PHC2: variants seen among roughly 807,000 people sequenced by gnomAD.
The protein encoded by PHC2 is polyhomeotic-like protein 2.
Under a neutral mutation model 87.4 loss-of-function variants are expected in PHC2, and 29 were observed. The observed-to-expected ratio is 0.33, with a 90% CI of 0.25 to 0.45. The LOEUF is 0.45. Ranked by LOEUF, PHC2 falls within the 20% of genes least tolerant of loss-of-function variation. The pLI is 1.00. For synonymous variants in PHC2, 438 were observed against 461.7 expected (o/e 0.95, Z 0.66); for missense variants, 857 against 1,136.7 (o/e 0.75, Z 3.54).
intron 14 of PHC2, among the ~76,000 whole-genome samples, chr1:33,327,871 T>C (rs185977570): frequency 9.2e-5 from 14 of 152,334 alleles, no homozygotes; most frequent in African/African-American, 3.4e-4. Flanking sequence ...TAAATCTTAA[T>C]TGTAACCTCA....
rs565536221 is a variant in PHC2 at position 33,334,941 on chromosome 1, C to T, written c.1559-649G>A. ...AAATTCCATTTCTCTGCTAAGAAGG[C>T]TGCTAGGCAGAGGCTGAGATTTTCT... On this transcript the variant is annotated intron_variant, in intron 9 of 14. Transcript: ENST00000683057. The surrounding 1 kb of genome is among the most constrained non-coding windows in gnomAD (Gnocchi z 5.5). Among the ~76,000 whole-genome samples the T allele has an allele frequency of 1.3e-5, 2 of 152,328 alleles. No individual in the cohort carries two copies. Among genetic ancestry groups the T allele is most frequent in the East Asian group, 3.9e-4 (2 of 5,192 alleles).
At chr1:33,379,263 C>G (rs1648337482) in intron 1 of PHC2, among the ~76,000 whole-genome samples, 1 of 148,584 alleles carries the variant, frequency 6.7e-6, no homozygotes, top group African/African-American at 2.5e-5. Context: ...TCTTCTCTCT[C>G]CAGTTCTAGG....
At chr1:33,420,467 C>G (rs185216035) in intron 1 of PHC2, among the ~76,000 whole-genome samples, 331 of 152,236 alleles carry the variant, frequency 2.2e-3, no homozygotes, top group Non-Finnish European at 3.5e-3. Flanking sequence ...AAAATCAGCT[C>G]ACTCTTAATG....
intron 1 of PHC2, 148 bp from the exon 2 acceptor site, chr1:33,375,741 T>G: frequency 2.0e-6 from 1 of 508,970 alleles, no homozygotes; most frequent in Non-Finnish European, 3.4e-6. Flanking sequence ...GTGTCTGTAC[T>G]GAACACGTAA....
At chr1:33,343,412 G>T (rs1380124079) in intron 9 of PHC2, among the ~76,000 whole-genome samples, 1 of 143,112 alleles carries the variant, frequency 7.0e-6, no homozygotes, top group Non-Finnish European at 1.5e-5. Context: ...AGAGGTTGCA[G>T]TGAGCCGAGA....
chr1:33,358,212 C>G (rs901094285), intron 7 of PHC2, among the ~76,000 whole-genome samples: 1 of 152,138 alleles, frequency 6.6e-6, no homozygotes, highest in Non-Finnish European at 1.5e-5. Context: ...TAGGTAGGGA[C>G]AACACACATT....
rs1300821007 is a variant in PHC2 at position 33,414,124 on chromosome 1, CTAAA to C, written c.-55+16848_-55+16851del. Among the ~76,000 whole-genome samples, 10 of 150,510 alleles carry C rather than the reference CTAAA, an allele frequency of 6.6e-5. No individual in the cohort carries two copies. The East Asian group carries it at 1.8e-3, about 27-fold the overall frequency. ...TAAAATGCCTGGCATATATAAGATA[CTAAA>C]TAAATAAGTGCCCATGCATCATGTT... On this transcript the variant is annotated intron_variant, in intron 1 of 14. Coordinates refer to ENST00000683057, the MANE Select transcript of PHC2 (RefSeq NM_001385109.1).
chr1:33,417,889 C>T (rs1026315148), intron 1 of PHC2, among the ~76,000 whole-genome samples: 1 of 152,052 alleles, frequency 6.6e-6, no homozygotes. Flanking sequence ...ATTCTCTAAG[C>T]ATAACAGAAT....
At chr1:33,389,072 A>AAAAG (rs1557842848) in intron 1 of PHC2, among the ~76,000 whole-genome samples, 52 of 145,206 alleles carry the variant, frequency 3.6e-4, no homozygotes, top group Admixed American at 3.4e-4. Flanking sequence ...AAAAAAAAAA[A>AAAAG]AAAGAAAGAA....
At chr1:33,350,821 TC>T (rs1196596198) in intron 9 of PHC2, among the ~76,000 whole-genome samples, 20 of 152,230 alleles carry the variant, frequency 1.3e-4, no homozygotes, top group Non-Finnish European at 1.3e-4. Context: ...TTTCAAATTT[TC>T]AACCCCCCTT....
In PHC2 at chr1:33,354,973, G is replaced by A. The variant is rs1382409174; in HGVS notation, c.1257C>T (p.Gly419=). The change falls in exon 8 of 15, where the codon GGC becomes GGT. Residue 419 remains glycine, a synonymous_variant. Coordinates refer to ENST00000683057, the MANE Select transcript of PHC2 (RefSeq NM_001385109.1). ...GTGTGGGAGGGTGACACTGCTGACT[G>A]CCGCCAGGCTTGTGCAGGTTGGCAG... ...CPTANLHKPG[G]SQQCHPPTPD... The A allele has an allele frequency of 6.2e-7, 1 of 1,614,090 alleles. No homozygotes were observed. Among genetic ancestry groups the A allele is most frequent in the Non-Finnish European group, 8.5e-7 (1 of 1,180,054 alleles).
At chr1:33,387,108 T>C (rs930902538) in intron 1 of PHC2, among the ~76,000 whole-genome samples, 1 of 152,244 alleles carries the variant, frequency 6.6e-6, no homozygotes, top group African/African-American at 2.4e-5. Flanking sequence ...AATTTTTTAC[T>C]GGCCTTCTTT....
At position 33,375,355 on chromosome 1, in the gene PHC2, TAG is replaced by T; in HGVS notation, c.174+9_174+10del. The T allele has an allele frequency of 6.5e-7, 1 of 1,535,380 alleles. No individual in the cohort carries two copies. Among genetic ancestry groups the T allele is most frequent in the Non-Finnish European group, 8.8e-7 (1 of 1,137,410 alleles). ...TAAGGAGTATAATTCCCAGATCAAT[TAG>T]ACTCTTACCTGCACGGTCTGCCGGT... On this transcript the variant is annotated intron_variant, in intron 2 of 14. Transcript: ENST00000683057.
At chr1:33,424,147 G>C (rs1650574690) in intron 1 of PHC2, among the ~76,000 whole-genome samples, 1 of 151,650 alleles carries the variant, frequency 6.6e-6, no homozygotes, top group African/African-American at 2.4e-5. Context: ...AGAAAGTGCT[G>C]AATATTTGTT....
chr1:33,355,035 C>G lies in PHC2; in HGVS notation c.1195G>C (p.Gly399Arg). The G allele has an allele frequency of 2.5e-6, 4 of 1,613,846 alleles. No homozygotes were observed. Among genetic ancestry groups the G allele is most frequent in the Non-Finnish European group, 3.4e-6 (4 of 1,180,006 alleles). ...AGTGGCAGGGCGGGTGTAACCGGGCCTAGTGGCATGGCATGGGCCTCTGAG... is the reference window on the plus strand; with the variant it reads ...AGTGGCAGGGCGGGTGTAACCGGGCGTAGTGGCATGGCATGGGCCTCTGAG... ...PSSEAHAMPL[G>R]PVTPALPLQC... The change falls in exon 8 of 15, where the codon GGC becomes CGC. Residue 399 changes from glycine to arginine, a missense_variant. Transcript: ENST00000683057.
At chr1:33,350,118 G>A (rs1483127327) in intron 9 of PHC2, among the ~76,000 whole-genome samples, 1 of 152,016 alleles carries the variant, frequency 6.6e-6, no homozygotes, top group Non-Finnish European at 1.5e-5. Flanking sequence ...TGCCCTGATA[G>A]CCGGTGCAAG....
chr1:33,362,076 T>G (rs1369240638), intron 7 of PHC2, among the ~76,000 whole-genome samples: 2 of 152,238 alleles, frequency 1.3e-5, no homozygotes. Flanking sequence ...CCCTGGTAGC[T>G]CTGACACCAA....
chr1:33,348,367 A>G (rs188988239), intron 9 of PHC2, among the ~76,000 whole-genome samples: 1 of 152,218 alleles, frequency 6.6e-6, no homozygotes, highest in African/African-American at 2.4e-5. Flanking sequence ...ATGCTGACCT[A>G]GAAATCCTGG....
chr1:33,367,542 T>A (rs1647547609), intron 6 of PHC2, 114 bp from the exon 7 acceptor site: 1 of 830,090 alleles, frequency 1.2e-6, no homozygotes, highest in Admixed American at 2.5e-5. Flanking sequence ...CAGGAGGTTG[T>A]CAAATCAGAG....
Sources: allele counts gnomAD v4.1 joint callset (sites outside exome capture counted in the v4.1 genomes callset), GRCh38; gene constraint gnomAD v4.1.1; non-coding constraint Gnocchi (gnomAD v3.1); transcripts MANE v1.5; gene names NCBI Gene and HGNC (gene_info 2026-07-23, HGNC 2026-07-21).